NBEA: variants seen among roughly 807,000 people sequenced by gnomAD.
NBEA encodes lysosomal-trafficking regulator 2.
NBEA carries 44 observed loss-of-function variants against 343.4 expected under a neutral mutation model. That is an observed-to-expected ratio of 0.13 (90% CI 0.10 to 0.16). The LOEUF (loss-of-function observed/expected upper bound fraction) is 0.16, where lower values mean the gene tolerates loss of function less well. Among genes scored for constraint, NBEA ranks in the 10% least tolerant of loss-of-function variants. NBEA has a pLI of 1.00. For missense variants in NBEA, 2,555 were observed against 3,631.3 expected (o/e 0.70, Z 7.62); for synonymous variants, 1,175 against 1,238.7 (o/e 0.95, Z 1.08).
At chr13:35,070,958 C>G in intron 10 of NBEA, 106 bp downstream of exon 10, 1 of 1,283,738 alleles carries the variant, frequency 7.8e-7, no homozygotes, top group Non-Finnish European at 1.0e-6. Flanking sequence ...GGGTTCTGCC[C>G]TTAAAGTGTA....
intron 41 of NBEA, among the ~76,000 whole-genome samples, chr13:35,498,882 A>C (rs1004852476): frequency 1.3e-5 from 2 of 151,968 alleles, no homozygotes; most frequent in Non-Finnish European, 2.9e-5. Flanking sequence ...TACTTTTCTG[A>C]TATTATTGAT....
intron 17 of NBEA, among the ~76,000 whole-genome samples, chr13:35,138,898 G>T (rs1210032226): frequency 6.6e-6 from 1 of 151,786 alleles, no homozygotes; most frequent in African/African-American, 2.4e-5. Context: ...ATTTATATCT[G>T]TGTGTCATAT....
chr13:35,035,671 C>G (rs929210666), intron 1 of NBEA, among the ~76,000 whole-genome samples: 6 of 151,826 alleles, frequency 4.0e-5, no homozygotes, highest in Non-Finnish European at 7.4e-5. Flanking sequence ...AATAATATTT[C>G]CTTTATATGT....
chr13:35,247,601 C>T (rs2152784168), intron 34 of NBEA, among the ~76,000 whole-genome samples: 1 of 152,254 alleles, frequency 6.6e-6, no homozygotes, highest in African/African-American at 2.4e-5. Flanking sequence ...CCCCTTTTCC[C>T]ACTTTCACAG....
chr13:34,977,105 A>C lies in NBEA; in HGVS notation c.294+33991A>C, dbSNP rs569261742. The stretch of plus-strand genomic sequence containing the variant: ...ACAGGCGTGCACCATCACGGCCAGC[A>C]AATTTTGTATTTTTAGTAGAGATGA... On this transcript the variant is annotated intron_variant, in intron 1 of 58. Coordinates refer to ENST00000379939, the MANE Select transcript of NBEA (RefSeq NM_001385012.1). Among the ~76,000 whole-genome samples, 18 of 151,582 alleles carry C rather than the reference A, an allele frequency of 1.2e-4. No homozygotes were observed. The East Asian group carries it at 3.3e-3, about 28-fold the overall frequency.
chr13:35,606,417 T>C lies in NBEA; in HGVS notation c.7297-9T>C. 1 of 1,420,144 alleles carries C rather than the reference T, an allele frequency of 7.0e-7. No homozygotes were observed. The highest frequency in any genetic ancestry group is 1.7e-5 in the South Asian group (1 of 58,214). The allele number at this position is 1,420,144 out of a possible 1,614,324, so 88.0% of individuals were successfully genotyped here. A position where few individuals can be genotyped will look rare whatever the true frequency, so the allele number is the denominator to read the frequency against. On this transcript the variant is annotated splice_polypyrimidine_tract_variant and intron_variant, in intron 47 of 58. Coordinates refer to ENST00000379939, the MANE Select transcript of NBEA (RefSeq NM_001385012.1). ...GTGGTTTAATATGCTTCATTTTTATTCCTGATAGGAACTAATTCCAGAGTT... is the reference window on the plus strand; with the variant it reads ...GTGGTTTAATATGCTTCATTTTTATCCCTGATAGGAACTAATTCCAGAGTT...
intron 40 of NBEA, among the ~76,000 whole-genome samples, chr13:35,465,788 G>A (rs180827580): frequency 4.6e-5 from 7 of 150,968 alleles, no homozygotes; most frequent in South Asian, 2.1e-4. Context: ...TTTTCTTCTA[G>A]GAAATCACAC....
At chr13:35,397,711 TTACAC>T (rs1426110557) in intron 38 of NBEA, among the ~76,000 whole-genome samples, 2 of 152,158 alleles carry the variant, frequency 1.3e-5, no homozygotes, top group African/African-American at 4.8e-5. Context: ...GTTTCCGAGT[TTACAC>T]TATACAGAAG....
intron 38 of NBEA, among the ~76,000 whole-genome samples, chr13:35,367,569 A>T (rs1238983807): frequency 6.7e-6 from 1 of 149,314 alleles, no homozygotes; most frequent in Non-Finnish European, 1.5e-5. Context: ...TTTTTTTTCC[A>T]ACTGGTGTTC....
intron 44 of NBEA, among the ~76,000 whole-genome samples, chr13:35,560,818 C>T (rs578088925): frequency 3.2e-4 from 48 of 152,134 alleles, no homozygotes; most frequent in African/African-American, 1.2e-3. Context: ...TCGAGATGGA[C>T]ATAGCTGAAC....
chr13:35,528,010 A>T (rs1296122546), intron 41 of NBEA, among the ~76,000 whole-genome samples: 2 of 152,094 alleles, frequency 1.3e-5, no homozygotes, highest in African/African-American at 4.8e-5. Flanking sequence ...AAATAAAAAA[A>T]ATATAAGTTT....
chr13:35,219,175 G>A (rs2152759821), intron 33 of NBEA, among the ~76,000 whole-genome samples: 1 of 152,100 alleles, frequency 6.6e-6, no homozygotes, highest in South Asian at 2.1e-4. Context: ...AAGCTAGCCA[G>A]CTTGTCTGCC....
intron 31 of NBEA, among the ~76,000 whole-genome samples, chr13:35,203,997 C>G (rs1418576627): frequency 6.6e-6 from 1 of 152,060 alleles, no homozygotes; most frequent in South Asian, 2.1e-4. Flanking sequence ...GAGCAGGGGT[C>G]CCCACCCCTG....
intron 49 of NBEA, 59 bp downstream of exon 49, chr13:35,628,307 G>C: frequency 8.2e-7 from 1 of 1,215,516 alleles, no homozygotes; most frequent in Admixed American, 3.0e-5. Flanking sequence ...ACACAAATTT[G>C]ACATTTCATC....
At chr13:35,257,484 G>C (rs964628418) in intron 34 of NBEA, among the ~76,000 whole-genome samples, 1 of 152,076 alleles carries the variant, frequency 6.6e-6, no homozygotes, top group Non-Finnish European at 1.5e-5. Flanking sequence ...CAATGTAAAT[G>C]ACTACTATGG....
intron 38 of NBEA, 60 bp downstream of exon 38, chr13:35,352,383 TA>T (rs1290890515): frequency 2.2e-6 from 2 of 909,198 alleles, no homozygotes; most frequent in Non-Finnish European, 3.0e-6. Context: ...TAGTTGGTAA[TA>T]AAAATATGGC....
chr13:35,637,827 A>T (rs1403033207), intron 49 of NBEA, among the ~76,000 whole-genome samples: 7 of 139,428 alleles, frequency 5.0e-5, no homozygotes, highest in Non-Finnish European at 1.1e-4. Context: ...ATCTCAAAAA[A>T]GAAAAAAAAA....
At chr13:35,164,766 G>A (rs2069860074) in intron 24 of NBEA, among the ~76,000 whole-genome samples, 1 of 151,992 alleles carries the variant, frequency 6.6e-6, no homozygotes, top group Non-Finnish European at 1.5e-5. Context: ...CAAAGATATT[G>A]TATATCTCTT....
At chr13:35,083,434 AAG>A (rs1359707098) in intron 10 of NBEA, among the ~76,000 whole-genome samples, 42 of 152,282 alleles carry the variant, frequency 2.8e-4, no homozygotes, top group African/African-American at 9.9e-4. Flanking sequence ...TACAAGCCAG[AAG>A]AGAGTGGGGG....
Sources: gnomAD v4.1 joint callset for allele counts (sites outside exome capture counted in the v4.1 genomes callset) on GRCh38, gnomAD v4.1.1 for gene constraint, MANE v1.5 for transcripts, NCBI Gene and HGNC (gene_info 2026-07-23, HGNC 2026-07-21) for gene names.